The following PDPN variants were observed in gnomAD, a reference collection of about 807,000 sequenced individuals.
PDPN encodes podoplanin.
A neutral mutation model predicts 23.2 loss-of-function variants in PDPN; 12 were observed. The ratio of observed to expected loss-of-function variants is 0.52; its 90% CI spans 0.33 to 0.84. The LOEUF is 0.84. Ranked by LOEUF, PDPN falls within the 40% of genes least tolerant of loss-of-function variation. The pLI is 0.02. For missense variants in PDPN, 199 were observed against 212.2 expected (o/e 0.94, Z 0.39); for synonymous variants, 77 against 76.7 (o/e 1.00, Z -0.02).
chr1:13,590,460 G>T (rs925191181), intron 1 of PDPN, among the ~76,000 whole-genome samples: 3 of 152,358 alleles, frequency 2.0e-5, no homozygotes, highest in Non-Finnish European at 4.4e-5. Flanking sequence ...TCTTGGGGTT[G>T]GGAGGAGCTA....
chr1:13,606,157 T>C (rs937458328), intron 1 of PDPN, among the ~76,000 whole-genome samples: 4 of 152,026 alleles, frequency 2.6e-5, no homozygotes, highest in African/African-American at 9.7e-5. Flanking sequence ...ACCAGGCTAA[T>C]TTTTGTATTT....
chr1:13,614,176 C>G, intron 4 of PDPN, 124 bp from the exon 5 acceptor site: 1 of 609,422 alleles, frequency 1.6e-6, no homozygotes, highest in South Asian at 2.2e-5. Context: ...GCTCCATGCT[C>G]AAACAACATA....
At chr1:13,612,165 G>A (rs1035332920) in intron 3 of PDPN, among the ~76,000 whole-genome samples, 7 of 151,972 alleles carry the variant, frequency 4.6e-5, no homozygotes, top group Non-Finnish European at 8.8e-5. Flanking sequence ...TTAATACATC[G>A]TTATTCCAAG....
chr1:13,607,252 T>C lies in PDPN; in HGVS notation c.147T>C (p.Asp49=), dbSNP rs749928568. 3.3e-5 allele frequency: 53 copies of C among 1,614,160 alleles called. 3 individuals are homozygous for C. The South Asian group carries it at 5.7e-4, about 17-fold the overall frequency. ...GGVAMPGAED[D]VVTPGTSEDR... ...TTGCCATGCCAGGTGCCGAAGATGA[T>C]GTGGTGACTCCAGGAACCAGCGAAG... The change falls in exon 2 of 6, where the codon GAT becomes GAC. Residue 49 remains aspartate (D), a synonymous_variant. Transcript: ENST00000621990.
intron 2 of PDPN, among the ~76,000 whole-genome samples, chr1:13,607,730 C>A (rs537985671): frequency 1.1e-4 from 17 of 152,274 alleles, no homozygotes; most frequent in African/African-American, 3.6e-4. Context: ...TTTACATTTC[C>A]AATCTGTTAC....
chr1:13,588,071 T>G (rs1025017448), intron 1 of PDPN, among the ~76,000 whole-genome samples: 2 of 152,158 alleles, frequency 1.3e-5, no homozygotes, highest in Non-Finnish European at 2.9e-5. Context: ...TGTAGTTTTT[T>G]GAGGAGCTGA....
At chr1:13,594,501 A>T (rs1557539049) in intron 1 of PDPN, among the ~76,000 whole-genome samples, 1 of 152,146 alleles carries the variant, frequency 6.6e-6, no homozygotes. Flanking sequence ...TATAACAGGG[A>T]GCTGGTCAAG....
rs776873278 is a variant in PDPN, at chr1:13,613,684, C to A, written c.332-3C>A. The A allele has an allele frequency of 1.4e-6, 2 of 1,396,416 alleles. No homozygotes were observed. The highest frequency in any genetic ancestry group is 1.4e-5 in the African/African-American group (1 of 70,634). 86.5% of individuals were successfully genotyped at this position (1,396,416 alleles called of 1,614,324 possible). ...CTACATTATTATATCTTTCTATTCACAGAGAAAGTGGATGGAGACACACAG... is the reference window on the plus strand; with the variant it reads ...CTACATTATTATATCTTTCTATTCAAAGAGAAAGTGGATGGAGACACACAG... On this transcript the variant is annotated splice_polypyrimidine_tract_variant and splice_region_variant and intron_variant, in intron 3 of 5. Coordinates refer to ENST00000621990, the MANE Select transcript of PDPN (RefSeq NM_006474.5).
intron 1 of PDPN, among the ~76,000 whole-genome samples, chr1:13,601,089 C>T (rs955219642): frequency 5.9e-5 from 9 of 152,224 alleles, no homozygotes; most frequent in African/African-American, 1.9e-4. Flanking sequence ...AGATCTTGAA[C>T]GACCCCAAAT....
intron 1 of PDPN, among the ~76,000 whole-genome samples, chr1:13,604,963 G>A (rs1440908506): frequency 1.3e-5 from 2 of 152,096 alleles, no homozygotes; most frequent in African/African-American, 4.8e-5. Context: ...ATTGCTAACT[G>A]GTAAACCCCT....
chr1:13,594,013 T>A (rs1640424424), intron 1 of PDPN, among the ~76,000 whole-genome samples: 1 of 152,196 alleles, frequency 6.6e-6, no homozygotes, highest in South Asian at 2.1e-4. Flanking sequence ...TGAGTAATCT[T>A]GGTTGAGGTT....
intron 3 of PDPN, 88 bp downstream of exon 3, chr1:13,610,604 T>G: frequency 7.7e-7 from 1 of 1,306,674 alleles, no homozygotes; most frequent in Non-Finnish European, 1.1e-6. Flanking sequence ...GAATAATCAA[T>G]AGGGGGCATA....
intron 2 of PDPN, among the ~76,000 whole-genome samples, chr1:13,609,375 A>C (rs1640875885): frequency 6.6e-6 from 1 of 152,202 alleles, no homozygotes; most frequent in African/African-American, 2.4e-5. Flanking sequence ...TTCACATTAT[A>C]GTCCCAGGGC....
At chr1:13,598,596 C>T (rs1201178662) in intron 1 of PDPN, among the ~76,000 whole-genome samples, 4 of 152,130 alleles carry the variant, frequency 2.6e-5, no homozygotes, top group Admixed American at 6.5e-5. Flanking sequence ...CTTCCCTTCA[C>T]ACGCCAAATG....
chr1:13,610,310 C>T lies in PDPN; in HGVS notation c.202-77C>T, dbSNP rs571918732. 42 of 1,266,952 alleles carry T rather than the reference C, an allele frequency of 3.3e-5. No individual in the cohort carries two copies. In the South Asian group the frequency reaches 3.7e-4, roughly 11 times the overall value. The allele number at this position is 1,266,952 out of a possible 1,614,324, so 78.5% of individuals were successfully genotyped here. ...TCCATATTTTTATGCCACCTTAAAT[C>T]CTTTTATAAGGCAGGGGATATATTT... On this transcript the variant is annotated intron_variant, in intron 2 of 5. Transcript: ENST00000621990.
At chr1:13,590,417 G>T (rs1640309098) in intron 1 of PDPN, among the ~76,000 whole-genome samples, 1 of 152,214 alleles carries the variant, frequency 6.6e-6, no homozygotes, top group African/African-American at 2.4e-5. Flanking sequence ...TGCTATTATT[G>T]TCTGTTGCTA....
In PDPN at chr1:13,614,284, T is replaced by G. The variant is rs1570063284; in HGVS notation, c.371-16T>G. 5 of 1,407,654 alleles carry G rather than the reference T, an allele frequency of 3.6e-6. No individual in the cohort carries two copies. The East Asian group carries it at 1.1e-4, about 32-fold the overall frequency. The allele number at this position is 1,407,654 out of a possible 1,614,324, so 87.2% of individuals were successfully genotyped here. On this transcript the variant is annotated splice_polypyrimidine_tract_variant and intron_variant, in intron 4 of 5. Transcript: ENST00000621990. ...TTTCCTCTGGGGCTCATGCTTTTTT[T>G]CTCTCTCTTGTTCAGATGGTTTGTC...
At chr1:13,591,690 G>A (rs1368306129) in intron 1 of PDPN, among the ~76,000 whole-genome samples, 1 of 152,082 alleles carries the variant, frequency 6.6e-6, no homozygotes, top group East Asian at 1.9e-4. Flanking sequence ...CCAGAATTTC[G>A]TTCTTTTAAA....
chr1:13,587,369 C>T (rs949774684), intron 1 of PDPN, among the ~76,000 whole-genome samples: 4 of 152,120 alleles, frequency 2.6e-5, no homozygotes, highest in African/African-American at 9.7e-5. Context: ...ACCAGCAAAG[C>T]AATGAACATG....
Sources: allele counts gnomAD v4.1 joint callset (sites outside exome capture counted in the v4.1 genomes callset), GRCh38; gene constraint gnomAD v4.1.1; transcripts MANE v1.5; gene names NCBI Gene and HGNC (gene_info 2026-07-23, HGNC 2026-07-21).